Variants in CELF2 observed in about 807,000 individuals in gnomAD.
The protein encoded by CELF2 is CUG triplet repeat RNA-binding protein 2.
A neutral mutation model predicts 62.6 loss-of-function variants in CELF2; 8 were observed. The observed-to-expected ratio is 0.13, with a 90% CI of 0.07 to 0.23. The LOEUF (loss-of-function observed/expected upper bound fraction) is 0.23, where lower values mean the gene tolerates loss of function less well. Among genes scored for constraint, CELF2 ranks in the 10% least tolerant of loss-of-function variants. The pLI, the probability that CELF2 is intolerant of heterozygous loss-of-function variation, is 1.00. For synonymous variants in CELF2, 258 were observed against 250.0 expected (o/e 1.03, Z -0.30); for missense variants, 333 against 671.0 (o/e 0.50, Z 5.56).
chr10:11,062,629 G>T (rs1255565545), intron 1 of CELF2, among the ~76,000 whole-genome samples: 3 of 152,220 alleles, frequency 2.0e-5, no homozygotes, highest in Non-Finnish European at 2.9e-5. Context: ...GCAGTGTCAT[G>T]ATCAAACTTG....
At chr10:10,667,151 C>T in the CELF2 span, among the ~76,000 whole-genome samples, 1 of 152,168 alleles carries the variant, frequency 6.6e-6, no homozygotes, top group Non-Finnish European at 1.5e-5. Flanking sequence ...AGGCACCATG[C>T]TCTTTGAATA....
the CELF2 span, among the ~76,000 whole-genome samples, chr10:10,538,107 C>T: frequency 6.6e-6 from 1 of 152,290 alleles, no homozygotes; most frequent in South Asian, 2.1e-4. Flanking sequence ...AAGGGGAAGG[C>T]AGTGGTCACC....
chr10:11,087,321 A>G (rs1053148774), intron 1 of CELF2, among the ~76,000 whole-genome samples: 1 of 152,194 alleles, frequency 6.6e-6, no homozygotes, highest in South Asian at 2.1e-4. Context: ...ATGATAAAGC[A>G]TTGGTATTTT....
At chr10:11,152,890 G>A (rs957592340) in intron 1 of CELF2, among the ~76,000 whole-genome samples, 1 of 152,188 alleles carries the variant, frequency 6.6e-6, no homozygotes, top group Non-Finnish European at 1.5e-5. Context: ...CCCCAGCATC[G>A]AGGGAGGTGG....
chr10:10,854,380 A>G (rs1457350220), intron 1 of CELF2, among the ~76,000 whole-genome samples: 1 of 152,222 alleles, frequency 6.6e-6, no homozygotes, highest in Non-Finnish European at 1.5e-5. Flanking sequence ...GACCGTAAAC[A>G]AGAGGTTTTG....
At chr10:10,503,383 C>G in the CELF2 span, among the ~76,000 whole-genome samples, 1 of 151,904 alleles carries the variant, frequency 6.6e-6, no homozygotes, top group Non-Finnish European at 1.5e-5. Flanking sequence ...CTAATTTTTG[C>G]TTCACATATT....
the CELF2 span, among the ~76,000 whole-genome samples, chr10:10,783,103 C>G: frequency 0.11 from 16,421 of 152,132 alleles, 1,000 homozygotes; most frequent in South Asian, 0.21. Context: ...AGGGTTTTCA[C>G]TCTTTCTGGT....
Position 11,191,426 on chromosome 10 carries a change from G to C in CELF2, c.271+25744G>C, listed in dbSNP as rs1435599965. ...GGGAGGTACCCCAGGCAATGAAACG[G>C]AGAGGTGTCTCCTGGTGTTGCAGTG... On this transcript the variant is annotated intron_variant, in intron 2 of 12. Transcript: ENST00000633077. The surrounding 1 kb of genome is among the most constrained non-coding windows in gnomAD (Gnocchi z 4.1). 1.3e-5 allele frequency among the ~76,000 whole-genome samples: 2 copies of C among 152,210 alleles called. No individual in the cohort carries two copies. Among genetic ancestry groups the C allele is most frequent in the Non-Finnish European group, 1.5e-5 (1 of 68,030 alleles).
In CELF2 at chr10:11,314,145, C is replaced by T; in HGVS notation, c.983C>T (p.Ala328Val). Reference protein sequence around the residue: ...ALGALTSPVAASTPNSTAGAA... With the variant: ...ALGALTSPVAVSTPNSTAGAA... ...TCTGTTTTCCTTTTTTCAGTGGCTG[C>T]TTCAACCCCCAACTCCACTGCTGGT... The change falls in exon 10 of 13, where the codon GCT becomes GTT. Residue 328 changes from alanine to valine, a missense_variant. This residue lies in a region of CELF2 where 253 missense variants were observed against 503.0 expected (regional missense o/e 0.50). Coordinates refer to ENST00000633077, the MANE Select transcript of CELF2 (RefSeq NM_001326342.2). The surrounding 1 kb of genome is among the most constrained non-coding windows in gnomAD (Gnocchi z 5.3). 6.2e-7 allele frequency: 1 copy of T among 1,612,624 alleles called. No individual in the cohort carries two copies. Among genetic ancestry groups the T allele is most frequent in the Non-Finnish European group, 8.5e-7 (1 of 1,179,396 alleles).
chr10:10,989,205 G>A (rs1592782227), intron 2 of CELF2, among the ~76,000 whole-genome samples: 1 of 152,056 alleles, frequency 6.6e-6, no homozygotes, highest in East Asian at 1.9e-4. Context: ...CAAGTGTTCA[G>A]AACAAATACC....
At chr10:11,091,171 A>G (rs1448971135) in intron 1 of CELF2, among the ~76,000 whole-genome samples, 1 of 152,182 alleles carries the variant, frequency 6.6e-6, no homozygotes, top group African/African-American at 2.4e-5. Context: ...GCTTCCTAAC[A>G]TAACATGTTA....
chr10:10,470,215 C>T, the CELF2 span, among the ~76,000 whole-genome samples: 1 of 151,840 alleles, frequency 6.6e-6, no homozygotes, highest in Admixed American at 6.6e-5. Flanking sequence ...CTGATTATTA[C>T]AGGATCTCTA....
At chr10:10,891,654 G>A (rs948259619) in intron 1 of CELF2, among the ~76,000 whole-genome samples, 3 of 152,078 alleles carry the variant, frequency 2.0e-5, no homozygotes, top group African/African-American at 7.2e-5. Context: ...TTGACTTCAG[G>A]CCTCGGTTCA....
chr10:11,272,171 A>G (rs1217062550), intron 7 of CELF2, among the ~76,000 whole-genome samples: 1 of 152,230 alleles, frequency 6.6e-6, no homozygotes, highest in East Asian at 1.9e-4. Flanking sequence ...CTGTGCTGCT[A>G]GCAAAAGCAT....
rs376480600 is a variant in CELF2, at chr10:11,005,401, A to T, written c.14A>T (p.Lys5Ile). 26 of 1,613,752 alleles carry T rather than the reference A, an allele frequency of 1.6e-5. No individual in the cohort carries two copies. The highest frequency in any genetic ancestry group is 2.1e-5 in the Non-Finnish European group (25 of 1,179,860). Reference sequence around the variant, plus strand: ...CAGTATAGAAGCATGCGCTGTCCCAAATCCGCTGTTACTATGAGAAATGAA... The same window carrying T: ...CAGTATAGAAGCATGCGCTGTCCCATATCCGCTGTTACTATGAGAAATGAA... Residue 5 changes from lysine (K) to isoleucine (I), a missense_variant, in exon 1 of 13, where the codon AAA (lysine) becomes ATA (isoleucine). By Grantham distance (102) the Lys-to-Ile change is moderately radical. Transcript: ENST00000416382. This position sits in a 1 kb window ranked among gnomAD's most constrained non-coding sequence, Gnocchi z 4.3.
In CELF2 at chr10:11,217,159, C is replaced by G. The variant is rs1167775659; in HGVS notation, c.272-266C>G. Among the ~76,000 whole-genome samples the G allele has an allele frequency of 6.6e-6, 1 of 152,222 alleles. No homozygotes were observed. On this transcript the variant is annotated intron_variant, in intron 2 of 12. Coordinates refer to ENST00000633077, the MANE Select transcript of CELF2 (RefSeq NM_001326342.2). The surrounding 1 kb of genome is among the most constrained non-coding windows in gnomAD (Gnocchi z 5.6). ...TCTCACCCATTCCTCCACCACCTCC[C>G]ACCCTCATTCTTGAATAGCTGTATT...
At chr10:10,486,029 G>A in the CELF2 span, among the ~76,000 whole-genome samples, 1 of 152,180 alleles carries the variant, frequency 6.6e-6, no homozygotes, top group Non-Finnish European at 1.5e-5. Context: ...AGAGCATGGA[G>A]TAGAATTAGA....
intron 1 of CELF2, among the ~76,000 whole-genome samples, chr10:11,134,319 T>C (rs17149619): frequency 0.056 from 8,559 of 152,274 alleles, 293 homozygotes; most frequent in African/African-American, 0.088. Flanking sequence ...GAGTTTGGAT[T>C]CTGTAGTTGC....
chr10:10,610,494 T>C, the CELF2 span, among the ~76,000 whole-genome samples: 1 of 152,202 alleles, frequency 6.6e-6, no homozygotes. Flanking sequence ...AGAAGTGACA[T>C]GTTTGATGGT....
Sources: gnomAD v4.1 joint callset for allele counts (sites outside exome capture counted in the v4.1 genomes callset) on GRCh38, gnomAD v4.1.1 for gene constraint, gnomAD v4.1.1 regional missense constraint, Gnocchi (gnomAD v3.1) non-coding constraint, MANE v1.5 for transcripts, NCBI Gene and HGNC (gene_info 2026-07-23, HGNC 2026-07-21) for gene names.